The following ERCC8 variants were observed in gnomAD, a reference collection of about 807,000 sequenced individuals.
ERCC8 encodes the protein DNA excision repair protein ERCC-8.
In ERCC8, 52 loss-of-function variants were observed where a neutral mutation model predicts 54.9. That is an observed-to-expected ratio of 0.95 (90% CI 0.76 to 1.19). ERCC8 has a LOEUF of 1.19. Ranked by LOEUF, ERCC8 falls within the 50% of genes most tolerant of loss-of-function variation. The pLI is 0.00. For synonymous variants in ERCC8, 146 were observed against 157.2 expected (o/e 0.93, Z 0.53); for missense variants, 514 against 466.1 (o/e 1.10, Z -0.95).
chr5:60,898,772 C>A (rs1748790505), intron 8 of ERCC8, among the ~76,000 whole-genome samples: 3 of 132,442 alleles, frequency 2.3e-5, no homozygotes, highest in Non-Finnish European at 3.2e-5. Flanking sequence ...CTATTAAAAT[C>A]AATAATTCTA....
chr5:60,892,462 G>C, intron 9 of ERCC8: 1 of 564,158 alleles, frequency 1.8e-6, no homozygotes, highest in Non-Finnish European at 3.5e-6. Flanking sequence ...GTGTGAGTGG[G>C]TGGTGGTGGT....
intron 2 of ERCC8, among the ~76,000 whole-genome samples, chr5:60,926,381 A>G (rs1404399470): frequency 6.6e-6 from 1 of 152,224 alleles, no homozygotes; most frequent in Admixed American, 6.5e-5. Context: ...GTTTTAGCAC[A>G]AGATCCTTAT....
At chr5:60,912,894 G>T (rs1580015155) in intron 4 of ERCC8, among the ~76,000 whole-genome samples, 1 of 152,002 alleles carries the variant, frequency 6.6e-6, no homozygotes, top group African/African-American at 2.4e-5. Context: ...TGGATTACGT[G>T]TATTGATTTG....
chr5:60,913,018 A>G (rs1203611257), intron 4 of ERCC8, among the ~76,000 whole-genome samples: 3 of 151,886 alleles, frequency 2.0e-5, no homozygotes, highest in African/African-American at 4.8e-5. Flanking sequence ...GGATTTTCGG[A>G]TCGATGTTCA....
intron 1 of ERCC8, among the ~76,000 whole-genome samples, chr5:60,943,508 G>A (rs1319328398): frequency 1.3e-5 from 2 of 152,154 alleles, no homozygotes; most frequent in Non-Finnish European, 2.9e-5. Flanking sequence ...ATTGGTCACT[G>A]TGCATCTGTT....
chr5:60,938,608 C>A (rs1750163862), intron 1 of ERCC8, among the ~76,000 whole-genome samples: 1 of 152,306 alleles, frequency 6.6e-6, no homozygotes, highest in East Asian at 1.9e-4. Context: ...CCTGTCTCGG[C>A]CTCCCAAAGT....
intron 3 of ERCC8, among the ~76,000 whole-genome samples, chr5:60,920,203 T>C (rs1157985285): frequency 2.6e-5 from 4 of 151,936 alleles, no homozygotes; most frequent in African/African-American, 7.2e-5. Flanking sequence ...ATTTTCTAAG[T>C]CTGATTCTCC....
chr5:60,916,044 CA>C (rs1011896456), intron 4 of ERCC8, among the ~76,000 whole-genome samples: 6 of 152,114 alleles, frequency 3.9e-5, no homozygotes, highest in African/African-American at 1.2e-4. Flanking sequence ...TTCTTCTCTC[CA>C]GTACCATGTG....
At chr5:60,893,749 C>T (rs539101999) in intron 9 of ERCC8, 72 of 377,782 alleles carry the variant, frequency 1.9e-4, no homozygotes, top group African/African-American at 3.7e-4. Context: ...GCAGTCTCCA[C>T]GAGGGGGCGG....
chr5:60,908,769 C>T (rs12655603), intron 4 of ERCC8, among the ~76,000 whole-genome samples: 58,669 of 151,426 alleles, frequency 0.39, 12,333 homozygotes, highest in East Asian at 0.8. Flanking sequence ...TGTGGTTGCC[C>T]ACCATTTCAA....
chr5:60,907,871 C>A lies in ERCC8; in HGVS notation c.400-2998G>T, dbSNP rs1445986293. Among the ~76,000 whole-genome samples, 8 of 152,156 alleles carry A rather than the reference C, an allele frequency of 5.3e-5. No homozygotes were observed. The East Asian group carries it at 9.6e-4, about 18-fold the overall frequency. On this transcript the variant is annotated intron_variant, in intron 4 of 11. Coordinates refer to ENST00000676185, the MANE Select transcript of ERCC8 (RefSeq NM_000082.4). ...CACGTATTTCTCAACTAATTGCAAT[C>A]TTATTTTTATCGCACTACTGTAAAT... is the stretch of plus-strand genomic sequence containing the variant.
rs201126529 is a variant in ERCC8, at chr5:60,903,733, G to A, written c.482-17C>T. 3.7e-4 allele frequency: 597 copies of A among 1,610,122 alleles called. 2 individuals are homozygous for A. In the East Asian group the frequency reaches 5.1e-3, roughly 14 times the overall value. On this transcript the variant is annotated splice_polypyrimidine_tract_variant and intron_variant, in intron 5 of 11. Coordinates refer to ENST00000676185, the MANE Select transcript of ERCC8 (RefSeq NM_000082.4). Reference sequence around the variant, plus strand: ...TAGTACCAACTGTAAAAACAGAACCGGTTTAAGATAATTTTATCATAAGTC... The same window carrying A: ...TAGTACCAACTGTAAAAACAGAACCAGTTTAAGATAATTTTATCATAAGTC...
intron 1 of ERCC8, among the ~76,000 whole-genome samples, chr5:60,931,481 T>C (rs777489532): frequency 2.4e-4 from 36 of 151,996 alleles, no homozygotes; most frequent in Admixed American, 5.9e-4. Flanking sequence ...TAAGTTTTGG[T>C]ATTTTTTTGC....
Position 60,874,491 on chromosome 5 carries a change from A to G in ERCC8, c.*124T>C. ...GCAAATATTAACCTCATTTTAAAAC[A>G]TGAGGAAAAATATTACCCACATTTA... On this transcript the variant is annotated 3_prime_UTR_variant, in exon 12 of 12. Coordinates refer to ENST00000676185, the MANE Select transcript of ERCC8 (RefSeq NM_000082.4). The G allele has an allele frequency of 1.3e-6, 1 of 799,254 alleles. No individual in the cohort carries two copies. Among genetic ancestry groups the G allele is most frequent in the Non-Finnish European group, 2.1e-6 (1 of 485,698 alleles). The allele number at this position is 799,254 out of a possible 1,614,324, so 49.5% of individuals were successfully genotyped here.
intron 9 of ERCC8, chr5:60,892,265 G>C: frequency 1.8e-6 from 1 of 553,416 alleles, no homozygotes; most frequent in East Asian, 4.8e-5. Flanking sequence ...AATGGCATCT[G>C]CTATTTCCAT....
intron 11 of ERCC8, among the ~76,000 whole-genome samples, chr5:60,887,082 T>C (rs1183938452): frequency 6.6e-6 from 1 of 152,204 alleles, no homozygotes; most frequent in African/African-American, 2.4e-5. Flanking sequence ...GAAAAAACAG[T>C]TATGAAACAA....
At position 60,880,943 on chromosome 5, in the gene ERCC8, A is replaced by C. The variant is rs1313961565; in HGVS notation, c.1123-6260T>G. Among the ~76,000 whole-genome samples the C allele has an allele frequency of 2.6e-5, 4 of 151,822 alleles. No individual in the cohort carries two copies. In the South Asian group the frequency reaches 6.2e-4, roughly 24 times the overall value. The stretch of plus-strand genomic sequence containing the variant: ...CCTTTGGAGGAGGAGAGGTGCTCTG[A>C]CTTTTAGAGTTTCCAGTTTTTCTGC... On this transcript the variant is annotated intron_variant, in intron 11 of 11. Transcript: ENST00000676185.
intron 1 of ERCC8, among the ~76,000 whole-genome samples, chr5:60,931,915 C>T (rs1031480471): frequency 6.6e-6 from 1 of 152,096 alleles, no homozygotes; most frequent in African/African-American, 2.4e-5. Flanking sequence ...TTATCAATCC[C>T]CTGTATGTAA....
chr5:60,878,815 A>G (rs1748106082), intron 11 of ERCC8, among the ~76,000 whole-genome samples: 1 of 152,184 alleles, frequency 6.6e-6, no homozygotes, highest in Non-Finnish European at 1.5e-5. Flanking sequence ...TTTTACAAAA[A>G]CCAGCTCCTG....
Sources: allele counts gnomAD v4.1 joint callset (sites outside exome capture counted in the v4.1 genomes callset), GRCh38; gene constraint gnomAD v4.1.1; transcripts MANE v1.5; gene names NCBI Gene and HGNC (gene_info 2026-07-23, HGNC 2026-07-21).